Variants in SLC39A11 observed in about 807,000 individuals in gnomAD.
SLC39A11 encodes zinc transporter ZIP11.
A neutral mutation model predicts 36.1 loss-of-function variants in SLC39A11; 33 were observed. That is an observed-to-expected ratio of 0.91 (90% CI 0.69 to 1.22). The LOEUF (loss-of-function observed/expected upper bound fraction) is 1.22. Among genes scored for constraint, SLC39A11 ranks in the 50% most tolerant of loss-of-function variants. SLC39A11 has a pLI of 0.00. For missense variants in SLC39A11, 432 were observed against 430.3 expected (o/e 1.00, Z -0.03); for synonymous variants, 166 against 170.3 (o/e 0.97, Z 0.20).
chr17:72,888,332 T>C (rs949697022), intron 5 of SLC39A11, among the ~76,000 whole-genome samples: 4 of 152,138 alleles, frequency 2.6e-5, no homozygotes, highest in African/African-American at 9.7e-5. Context: ...CATACAGAAC[T>C]TTCAACGTAT....
At chr17:72,686,473 C>G (rs8077681) in intron 7 of SLC39A11, among the ~76,000 whole-genome samples, 22,125 of 152,142 alleles carry the variant, frequency 0.15, 2,688 homozygotes, top group African/African-American at 0.33. Flanking sequence ...TTGGCTCGTT[C>G]GTGATAGTAA....
intron 5 of SLC39A11, among the ~76,000 whole-genome samples, chr17:72,870,130 C>T (rs2080531555): frequency 6.6e-6 from 1 of 151,960 alleles, no homozygotes; most frequent in Non-Finnish European, 1.5e-5. Context: ...GGAAGGAATC[C>T]CATTTTTAAT....
chr17:73,050,289 T>A (rs1217810530), intron 3 of SLC39A11, among the ~76,000 whole-genome samples: 1 of 144,894 alleles, frequency 6.9e-6, no homozygotes, highest in Non-Finnish European at 1.5e-5. Context: ...CATATCAAAT[T>A]CTTAAGGTCA....
chr17:72,848,221 G>A (rs186391307), intron 6 of SLC39A11, among the ~76,000 whole-genome samples: 12 of 152,286 alleles, frequency 7.9e-5, no homozygotes, highest in South Asian at 2.1e-4. Flanking sequence ...CAAGCAATTC[G>A]TCAAGATAAC....
At chr17:72,647,935 C>T (rs1461451417) in intron 9 of SLC39A11, among the ~76,000 whole-genome samples, 1 of 152,142 alleles carries the variant, frequency 6.6e-6, no homozygotes, top group Non-Finnish European at 1.5e-5. Flanking sequence ...CACCTATGAT[C>T]GTTCTGTGGT....
At chr17:72,767,366 T>G (rs2075792776) in intron 6 of SLC39A11, among the ~76,000 whole-genome samples, 1 of 152,184 alleles carries the variant, frequency 6.6e-6, no homozygotes, top group African/African-American at 2.4e-5. Context: ...GGCTGGACAG[T>G]GCTGGGCACC....
chr17:73,048,583 T>G (rs1198438965), intron 3 of SLC39A11, among the ~76,000 whole-genome samples: 1 of 152,222 alleles, frequency 6.6e-6, no homozygotes, highest in African/African-American at 2.4e-5. Flanking sequence ...AAACGGTAGC[T>G]CTGTTTTAAG....
chr17:73,071,018 C>T (rs146151378), intron 3 of SLC39A11, among the ~76,000 whole-genome samples: 346 of 152,300 alleles, frequency 2.3e-3, no homozygotes, highest in Middle Eastern at 6.8e-3. Context: ...CCCCCAACCT[C>T]AGAGATTCTG....
chr17:72,783,797 A>G (rs2076404422), intron 6 of SLC39A11, among the ~76,000 whole-genome samples: 1 of 152,176 alleles, frequency 6.6e-6, no homozygotes, highest in East Asian at 1.9e-4. Flanking sequence ...CCACGTCACA[A>G]TGGATGGATT....
In SLC39A11 at chr17:73,023,296, C is replaced by T. The variant is rs181375818; in HGVS notation, c.306+8260G>A. ...AAATCCATGTATCAAAGCTCTAACCCCCTATACTTTATAATGTGACTGTAT... is the reference window on the plus strand; with the variant it reads ...AAATCCATGTATCAAAGCTCTAACCTCCTATACTTTATAATGTGACTGTAT... On this transcript the variant is annotated intron_variant, in intron 4 of 9. Coordinates refer to ENST00000255559, the MANE Select transcript of SLC39A11 (RefSeq NM_139177.4). Among the ~76,000 whole-genome samples, 464 of 152,158 alleles carry T rather than the reference C, an allele frequency of 3.0e-3. 3 individuals carry two copies. Among genetic ancestry groups the T allele is most frequent in the Non-Finnish European group, 5.2e-3 (352 of 68,028 alleles).
chr17:72,729,871 G>A (rs1300582148), intron 7 of SLC39A11, among the ~76,000 whole-genome samples: 3 of 152,028 alleles, frequency 2.0e-5, no homozygotes, highest in African/African-American at 7.2e-5. Context: ...TTGGAGCTTG[G>A]ACTGTGTTAA....
At chr17:72,782,503 A>C (rs1265160059) in intron 6 of SLC39A11, among the ~76,000 whole-genome samples, 1 of 151,846 alleles carries the variant, frequency 6.6e-6, no homozygotes. Context: ...AGCCTGGCTA[A>C]CAGGGCAAAA....
intron 5 of SLC39A11, among the ~76,000 whole-genome samples, chr17:72,916,385 A>C (rs2083335656): frequency 6.7e-6 from 1 of 149,274 alleles, no homozygotes; most frequent in South Asian, 2.1e-4. Flanking sequence ...GGTTCCTCCA[A>C]TGAGCACAGC....
intron 5 of SLC39A11, among the ~76,000 whole-genome samples, chr17:72,867,185 G>C (rs2080344581): frequency 6.6e-6 from 1 of 152,116 alleles, no homozygotes; most frequent in South Asian, 2.1e-4. Flanking sequence ...CCGTTATTAG[G>C]TCAACTAGGC....
At chr17:72,684,477 G>C (rs933557680) in intron 7 of SLC39A11, among the ~76,000 whole-genome samples, 4 of 152,202 alleles carry the variant, frequency 2.6e-5, no homozygotes, top group African/African-American at 9.6e-5. Flanking sequence ...GGGCAGGCGT[G>C]CCCTGCTAGC....
intron 4 of SLC39A11, among the ~76,000 whole-genome samples, chr17:73,015,884 G>C (rs1001627276): frequency 6.6e-6 from 1 of 152,032 alleles, no homozygotes; most frequent in Non-Finnish European, 1.5e-5. Context: ...GCCCAGCCAA[G>C]AAGGAGATTA....
chr17:72,676,363 G>A (rs2071261991), intron 7 of SLC39A11, among the ~76,000 whole-genome samples: 1 of 152,084 alleles, frequency 6.6e-6, no homozygotes, highest in Non-Finnish European at 1.5e-5. Flanking sequence ...TAATTTTTTT[G>A]AAGGCAGATG....
At chr17:72,698,737 CATT>C (rs1401045429) in intron 7 of SLC39A11, among the ~76,000 whole-genome samples, 2 of 152,186 alleles carry the variant, frequency 1.3e-5, no homozygotes, top group African/African-American at 4.8e-5. Flanking sequence ...GTGGAACTGG[CATT>C]ATCCCCACGG....
intron 4 of SLC39A11, among the ~76,000 whole-genome samples, chr17:72,976,755 C>T (rs1447749286): frequency 6.6e-6 from 1 of 151,774 alleles, no homozygotes. Flanking sequence ...GAGGCTGAGG[C>T]AGGAGAATCA....
Sources: gnomAD v4.1 joint callset for allele counts (sites outside exome capture counted in the v4.1 genomes callset) on GRCh38, gnomAD v4.1.1 for gene constraint, MANE v1.5 for transcripts, NCBI Gene and HGNC (gene_info 2026-07-23, HGNC 2026-07-21) for gene names.